SLC14A2: variants seen among roughly 807,000 people sequenced by gnomAD.
SLC14A2 encodes the protein urea transporter 2.
Under a neutral mutation model 104.6 loss-of-function variants are expected in SLC14A2, and 91 were observed. That is an observed-to-expected ratio of 0.87 (90% CI 0.73 to 1.04). The LOEUF (loss-of-function observed/expected upper bound fraction) is 1.04, where lower values mean the gene tolerates loss of function less well. Ranked by LOEUF, SLC14A2 falls within the 50% of genes least tolerant of loss-of-function variation. SLC14A2 has a pLI of 0.00. For missense variants in SLC14A2, 1,189 were observed against 1,156.0 expected, an observed-to-expected ratio of 1.03 and a Z score of -0.41; for synonymous variants, 476 against 466.4, an observed-to-expected ratio of 1.02 and a Z score of -0.27.
At position 45,560,003 on chromosome 18, in the gene SLC14A2, C is replaced by G. The variant is rs138486371; in HGVS notation, c.-34-64628C>G. 4.4e-3 allele frequency among the ~76,000 whole-genome samples: 674 copies of G among 152,264 alleles called. 3 individuals are homozygous for G. Among genetic ancestry groups the G allele is most frequent in the Admixed American group, 7.1e-3 (108 of 15,296 alleles). On this transcript the variant is annotated intron_variant, in intron 2 of 20. Coordinates refer to the SLC14A2 transcript ENST00000586448. ...AGGCTTCCTGGGTGTGGCCCAAGTC[C>G]CTATTAAATGTCCTCTGCCTACACG...
intron 2 of SLC14A2, among the ~76,000 whole-genome samples, chr18:45,577,265 C>T (rs889992598): frequency 5.3e-5 from 8 of 151,934 alleles, no homozygotes; most frequent in Non-Finnish European, 7.4e-5. Context: ...GATTCAAAAG[C>T]TTCTCCAAAG....
chr18:45,398,653 G>C lies in SLC14A2; in HGVS notation c.-124-84580G>C, dbSNP rs529408899. ...GAAACTCTGACACGCGCTGCAACCT[G>C]GATTAACCTTGAGGACATTATGCTA... On this transcript the variant is annotated intron_variant, in intron 1 of 20. Transcript: ENST00000586448. 9.2e-5 allele frequency among the ~76,000 whole-genome samples: 14 copies of C among 152,208 alleles called. No homozygotes were observed. The East Asian group carries it at 2.7e-3, about 29-fold the overall frequency.
chr18:45,285,242 A>G (rs911767520), intron 1 of SLC14A2, among the ~76,000 whole-genome samples: 13 of 152,178 alleles, frequency 8.5e-5, no homozygotes, highest in Non-Finnish European at 1.8e-4. Flanking sequence ...TGGAGATTGT[A>G]TGGTCTAATC....
chr18:45,547,351 C>G (rs1277376672), intron 2 of SLC14A2, among the ~76,000 whole-genome samples: 1 of 152,118 alleles, frequency 6.6e-6, no homozygotes, highest in Non-Finnish European at 1.5e-5. Flanking sequence ...CTGAAATGCC[C>G]TGTGTCCAAG....
At chr18:45,591,926 G>A (rs911942034) in intron 2 of SLC14A2, among the ~76,000 whole-genome samples, 3 of 152,222 alleles carry the variant, frequency 2.0e-5, no homozygotes, top group Non-Finnish European at 4.4e-5. Context: ...TGGTAGACAT[G>A]GGGAAGCATG....
chr18:45,285,775 T>C (rs2084808940), intron 1 of SLC14A2, among the ~76,000 whole-genome samples: 1 of 150,898 alleles, frequency 6.6e-6, no homozygotes, highest in African/African-American at 2.5e-5. Context: ...CAGAGTTTCA[T>C]GCATGACATG....
chr18:45,273,785 C>A (rs944931674), intron 1 of SLC14A2, among the ~76,000 whole-genome samples: 2 of 152,124 alleles, frequency 1.3e-5, no homozygotes, highest in African/African-American at 2.4e-5. Context: ...ACACAAAATT[C>A]TCTTCTCGTT....
At chr18:45,508,359 G>A (rs1038085946) in intron 2 of SLC14A2, among the ~76,000 whole-genome samples, 2 of 152,160 alleles carry the variant, frequency 1.3e-5, no homozygotes, top group African/African-American at 4.8e-5. Flanking sequence ...CATGAGAGCA[G>A]GTCTTTCCCA....
At chr18:45,440,218 G>GCT (rs1568204822) in intron 1 of SLC14A2, among the ~76,000 whole-genome samples, 1 of 148,720 alleles carries the variant, frequency 6.7e-6, no homozygotes, top group Non-Finnish European at 1.5e-5. Flanking sequence ...CATTTTTCAA[G>GCT]TTTTTTTTTT....
intron 2 of SLC14A2, among the ~76,000 whole-genome samples, chr18:45,596,257 G>A (rs2044717601): frequency 6.6e-6 from 1 of 152,172 alleles, no homozygotes; most frequent in South Asian, 2.1e-4. Context: ...TGGAAGCAGT[G>A]GAAATTGGCA....
At chr18:45,299,442 T>C (rs567162427) in intron 1 of SLC14A2, among the ~76,000 whole-genome samples, 3 of 152,162 alleles carry the variant, frequency 2.0e-5, no homozygotes, top group African/African-American at 7.2e-5. Flanking sequence ...CATCCCTCTT[T>C]ATCGGTTTTG....
chr18:45,302,928 G>A (rs907106392), intron 1 of SLC14A2, among the ~76,000 whole-genome samples: 3 of 152,094 alleles, frequency 2.0e-5, no homozygotes, highest in African/African-American at 2.4e-5. Context: ...GGCAGTGCTG[G>A]GTAACTGTGG....
chr18:45,474,136 C>G (rs771237560), intron 1 of SLC14A2, among the ~76,000 whole-genome samples: 25 of 152,126 alleles, frequency 1.6e-4, no homozygotes, highest in Non-Finnish European at 3.5e-4. Context: ...TTGAGATAAT[C>G]ATGTGGTTTT....
At chr18:45,492,826 G>A (rs1175912683) in intron 2 of SLC14A2, among the ~76,000 whole-genome samples, 2 of 152,170 alleles carry the variant, frequency 1.3e-5, no homozygotes, top group Non-Finnish European at 1.5e-5. Context: ...GATAGATGAG[G>A]TGCTGCTTTC....
At chr18:45,486,473 C>T (rs531541845) in intron 2 of SLC14A2, among the ~76,000 whole-genome samples, 12 of 152,096 alleles carry the variant, frequency 7.9e-5, no homozygotes, top group Admixed American at 5.2e-4. Context: ...TGGTAACTAC[C>T]ATTTTTCACA....
At chr18:45,508,018 G>C (rs1310321552) in intron 2 of SLC14A2, among the ~76,000 whole-genome samples, 2 of 152,212 alleles carry the variant, frequency 1.3e-5, no homozygotes, top group African/African-American at 2.4e-5. Context: ...GCTTAAAATA[G>C]ATTCCATGTA....
At chr18:45,318,768 C>A (rs1217364105) in intron 1 of SLC14A2, among the ~76,000 whole-genome samples, 2 of 149,096 alleles carry the variant, frequency 1.3e-5, no homozygotes, top group African/African-American at 5.0e-5. Flanking sequence ...GCCTGGGCAA[C>A]AAGAGCAAAA....
chr18:45,344,646 C>T (rs1454263151), intron 1 of SLC14A2, among the ~76,000 whole-genome samples: 9 of 152,082 alleles, frequency 5.9e-5, no homozygotes, highest in African/African-American at 2.2e-4. Flanking sequence ...AGTAAGGTAC[C>T]TTATGATAAA....
chr18:45,222,553 G>A (rs1308641073), intron 1 of SLC14A2, among the ~76,000 whole-genome samples: 1 of 152,162 alleles, frequency 6.6e-6, no homozygotes, highest in Non-Finnish European at 1.5e-5. Context: ...TTTGAGGATG[G>A]TTGTGATTTA....
Sources: allele counts gnomAD v4.1 joint callset (sites outside exome capture counted in the v4.1 genomes callset), GRCh38; gene constraint gnomAD v4.1.1; transcripts MANE v1.5; gene names NCBI Gene and HGNC (gene_info 2026-07-23, HGNC 2026-07-21).